SNX25: variants seen among roughly 807,000 people sequenced by gnomAD.
SNX25 encodes sorting nexin-25.
SNX25 carries 62 observed loss-of-function variants against 113.7 expected under a neutral mutation model. The observed-to-expected ratio is 0.55, with a 90% CI of 0.44 to 0.67. SNX25 has a LOEUF of 0.67. Ranked by LOEUF, SNX25 falls within the 30% of genes least tolerant of loss-of-function variation. The pLI, the probability that SNX25 is intolerant of heterozygous loss-of-function variation, is 0.00. For missense variants in SNX25, 1,014 were observed against 1,161.0 expected (o/e 0.87, Z 1.84); for synonymous variants, 421 against 436.2 (o/e 0.97, Z 0.43).
chr4:185,346,714 C>T lies in SNX25; in HGVS notation c.2301+64C>T. The T allele has an allele frequency of 1.4e-5, 14 of 1,031,222 alleles. No homozygotes were observed. The South Asian group carries it at 2.2e-4, about 16-fold the overall frequency. The allele number at this position is 1,031,222 out of a possible 1,614,324, so 63.9% of individuals were successfully genotyped here. A position where few individuals can be genotyped will look rare whatever the true frequency, so the allele number is the denominator to read the frequency against. The stretch of plus-strand genomic sequence containing the variant: ...TAGTTATTTAGGGTTAAACTGTCAT[C>T]ATTCTACGAGCTTGGTAGTTTGCTT... On this transcript the variant is annotated intron_variant, in intron 13 of 18. Transcript: ENST00000652585.
At chr4:185,335,792 C>T (rs1051612618) in intron 10 of SNX25, among the ~76,000 whole-genome samples, 6 of 152,186 alleles carry the variant, frequency 3.9e-5, no homozygotes, top group South Asian at 4.2e-4. Flanking sequence ...TGGTGCTGTG[C>T]GAGTCACTGT....
intron 6 of SNX25, among the ~76,000 whole-genome samples, chr4:185,307,571 C>G (rs970413937): frequency 4.6e-5 from 7 of 152,122 alleles, no homozygotes; most frequent in Admixed American, 2.6e-4. Flanking sequence ...CGACTTTGCT[C>G]TCTACTTGGA....
chr4:185,323,581 C>T lies in SNX25; in HGVS notation c.1530C>T (p.Ser510=). 3 of 1,612,636 alleles carry T rather than the reference C, an allele frequency of 1.9e-6. No homozygotes were observed. Among genetic ancestry groups the T allele is most frequent in the Non-Finnish European group, 2.5e-6 (3 of 1,179,280 alleles). ...TTTATCAGAATTTCTTTGTGGAGAG[C>T]AAAGAAATATCTGTGGAAAAATCAC... ...GEIYQNFFVE[S]KEISVEKSLY... is the part of the protein sequence containing the mutation. The change falls in exon 9 of 19, where the codon AGC becomes AGT. Residue 510 remains serine, a synonymous_variant. Transcript: ENST00000652585.
Position 185,320,967 on chromosome 4 carries a change from A to C in SNX25, c.1476+103A>C, listed in dbSNP as rs1039758430. Reference sequence around the variant, plus strand: ...CTCAAGATAAGTATACATTAAAAATATTTTAAACCAAATATAATACTGACA... The same window carrying C: ...CTCAAGATAAGTATACATTAAAAATCTTTTAAACCAAATATAATACTGACA... On this transcript the variant is annotated intron_variant, in intron 8 of 18. Transcript: ENST00000652585. 3 of 1,006,276 alleles carry C rather than the reference A, an allele frequency of 3.0e-6. No individual in the cohort carries two copies. The African/African-American group carries it at 5.0e-5, about 17-fold the overall frequency. The allele number at this position is 1,006,276 out of a possible 1,614,324, so 62.3% of individuals were successfully genotyped here. A position where few individuals can be genotyped will look rare whatever the true frequency, so the allele number is the denominator to read the frequency against.
At chr4:185,231,946 T>C (rs1741941328) in intron 1 of SNX25, among the ~76,000 whole-genome samples, 2 of 152,204 alleles carry the variant, frequency 1.3e-5, no homozygotes, top group South Asian at 2.1e-4. Flanking sequence ...CATATCTTAA[T>C]ATGACACATT....
chr4:185,346,800 A>G, intron 13 of SNX25, 150 bp downstream of exon 13: 2 of 582,834 alleles, frequency 3.4e-6, no homozygotes, highest in Non-Finnish European at 6.0e-6. Flanking sequence ...TTTTAATTAA[A>G]GGAAAATACA....
downstream of SNX25, among the ~76,000 whole-genome samples, chr4:185,367,902 G>A (rs192801117): frequency 6.5e-4 from 99 of 152,180 alleles, no homozygotes; most frequent in Middle Eastern, 6.8e-3. Context: ...CCTTATGGCC[G>A]GGCGCGGTAG....
intron 2 of SNX25, among the ~76,000 whole-genome samples, 169 bp downstream of exon 2, chr4:185,247,547 A>G (rs550945850): frequency 1.3e-5 from 2 of 152,322 alleles, no homozygotes; most frequent in Admixed American, 6.5e-5. Flanking sequence ...TTTTGTTTGC[A>G]TGTAAGGGAT....
intron 3 of SNX25, among the ~76,000 whole-genome samples, chr4:185,260,208 G>T (rs998581875): frequency 1.5e-5 from 2 of 132,680 alleles, no homozygotes; most frequent in African/African-American, 5.0e-5. Context: ...GTAAAACATT[G>T]GTTTTATTTT....
chr4:185,266,040 CTT>C (rs747108710), intron 4 of SNX25, among the ~76,000 whole-genome samples: 7 of 152,142 alleles, frequency 4.6e-5, no homozygotes, highest in Non-Finnish European at 8.8e-5. Context: ...ATAAGAGAAA[CTT>C]TCCCTATCTC....
intron 1 of SNX25, among the ~76,000 whole-genome samples, chr4:185,238,340 G>A (rs1361065069): frequency 2.0e-5 from 3 of 151,996 alleles, no homozygotes; most frequent in Admixed American, 6.6e-5. Flanking sequence ...GCTTCCAGGT[G>A]GGGAGTGACA....
rs1194168269 is a variant in SNX25 at position 185,277,212 on chromosome 4, A to G, written c.1091+10057A>G. Reference sequence around the variant, plus strand: ...GCTAATTTTTATATTTTCAGTAGAAACTGGGTTTCACCATGTTGGCCAGGC... The same window carrying G: ...GCTAATTTTTATATTTTCAGTAGAAGCTGGGTTTCACCATGTTGGCCAGGC... On this transcript the variant is annotated intron_variant, in intron 5 of 18. Coordinates refer to ENST00000652585, the MANE Select transcript of SNX25 (RefSeq NM_001378034.2). 3.3e-5 allele frequency among the ~76,000 whole-genome samples: 5 copies of G among 152,234 alleles called. No individual in the cohort carries two copies. The East Asian group carries it at 7.7e-4, about 24-fold the overall frequency.
intron 6 of SNX25, among the ~76,000 whole-genome samples, chr4:185,301,485 G>A (rs1313028532): frequency 1.3e-5 from 2 of 152,066 alleles, no homozygotes; most frequent in African/African-American, 2.4e-5. Flanking sequence ...TCTGCCACCC[G>A]GGTTCCAGTG....
chr4:185,252,239 T>C (rs935851897), intron 2 of SNX25, among the ~76,000 whole-genome samples: 1 of 152,134 alleles, frequency 6.6e-6, no homozygotes, highest in African/African-American at 2.4e-5. Context: ...AATCTAGAAA[T>C]GTATATTGAG....
chr4:185,243,248 AC>A lies in SNX25; in HGVS notation c.430-4045del, dbSNP rs1280590388. Among the ~76,000 whole-genome samples the A allele has an allele frequency of 3.9e-5, 6 of 152,340 alleles. No homozygotes were observed. The East Asian group carries it at 1.2e-3, about 29-fold the overall frequency. ...ATTTTTGAGTATACAGTTCAGTGAT[AC>A]TAAATGCATTTATAATGTTGTGCAA... is the stretch of plus-strand genomic sequence containing the variant. On this transcript the variant is annotated intron_variant, in intron 1 of 18. Transcript: ENST00000652585.
chr4:185,367,340 T>C, downstream of SNX25: 7 of 1,114,702 alleles, frequency 6.3e-6, no homozygotes, highest in African/African-American at 1.6e-5. Flanking sequence ...TTTTTAAGAA[T>C]AGTAAAGTAC....
At chr4:185,307,629 C>G (rs1417771506) in intron 6 of SNX25, among the ~76,000 whole-genome samples, 1 of 152,212 alleles carries the variant, frequency 6.6e-6, no homozygotes, top group Non-Finnish European at 1.5e-5. Context: ...CCAGCTATGT[C>G]TGCAAACTTC....
chr4:185,292,992 G>A (rs1752385472), intron 6 of SNX25, among the ~76,000 whole-genome samples: 1 of 152,134 alleles, frequency 6.6e-6, no homozygotes, highest in African/African-American at 2.4e-5. Context: ...ACAGAGTGGA[G>A]GAAAAATACT....
intron 16 of SNX25, 112 bp downstream of exon 16, chr4:185,357,849 C>CT: frequency 1.1e-6 from 1 of 913,282 alleles, no homozygotes; most frequent in Non-Finnish European, 1.7e-6. Flanking sequence ...TTAATTTTCT[C>CT]TCACTTTTCG....
Sources: gnomAD v4.1 joint callset for allele counts (sites outside exome capture counted in the v4.1 genomes callset) on GRCh38, gnomAD v4.1.1 for gene constraint, MANE v1.5 for transcripts, NCBI Gene and HGNC (gene_info 2026-07-23, HGNC 2026-07-21) for gene names.